The following TRIM14 variants were observed in gnomAD, a reference collection of about 807,000 sequenced individuals.
TRIM14 encodes the protein tripartite motif-containing protein 14.
Under a neutral mutation model 44.5 loss-of-function variants are expected in TRIM14, and 28 were observed. The ratio of observed to expected loss-of-function variants is 0.63; its 90% CI spans 0.47 to 0.86. The LOEUF is 0.86. Among genes scored for constraint, TRIM14 ranks in the 40% least tolerant of loss-of-function variants. The pLI, the probability that TRIM14 is intolerant of heterozygous loss-of-function variation, is 0.00. For missense variants in TRIM14, 607 were observed against 611.1 expected (o/e 0.99, Z 0.07); for synonymous variants, 299 against 269.2 (o/e 1.11, Z -1.08).
intron 2 of TRIM14, among the ~76,000 whole-genome samples, chr9:98,105,486 G>A (rs1016419772): frequency 6.6e-6 from 1 of 152,246 alleles, no homozygotes; most frequent in Non-Finnish European, 1.5e-5. Flanking sequence ...GGCTGAGGCA[G>A]GAGAATTGCT....
chr9:98,114,708 G>GA (rs1472113316), intron 1 of TRIM14, among the ~76,000 whole-genome samples: 1 of 151,900 alleles, frequency 6.6e-6, no homozygotes, highest in Non-Finnish European at 1.5e-5. Context: ...GAAATTTTTG[G>GA]AAAAAAACCC....
intron 5 of TRIM14, among the ~76,000 whole-genome samples, chr9:98,088,631 C>T (rs1331323118): frequency 1.3e-5 from 2 of 152,222 alleles, no homozygotes; most frequent in African/African-American, 4.8e-5. Context: ...TCATAATATC[C>T]TTTCACAAGA....
chr9:98,096,364 A>G (rs926732785), intron 3 of TRIM14, among the ~76,000 whole-genome samples: 3 of 152,174 alleles, frequency 2.0e-5, no homozygotes, highest in African/African-American at 7.2e-5. Flanking sequence ...AAGCACTAGC[A>G]GGAAGTCCAG....
chr9:98,076,173 C>T (rs915707237), intron 6 of TRIM14: 1 of 152,172 alleles, frequency 6.6e-6, no homozygotes, highest in Non-Finnish European at 1.5e-5. Flanking sequence ...AAAAATGCTC[C>T]ATTTTCCCCC....
At position 98,090,560 on chromosome 9, in the gene TRIM14, CTTTTTTT is replaced by C. The variant is rs56909266; in HGVS notation, c.793+1342_793+1348del. Among the ~76,000 whole-genome samples, 3 of 124,256 alleles carry C rather than the reference CTTTTTTT, an allele frequency of 2.4e-5. No homozygotes were observed. The East Asian group carries it at 6.8e-4, about 28-fold the overall frequency. 81.5% of individuals were successfully genotyped at this position (124,256 alleles called of 152,430 possible). Reference sequence around the variant, plus strand: ...GATCTGCACATTTTTGATTTGTGCACTTTTTTTTTTTTTTTTTTTTTTAAGACGGAGT... The same window carrying C: ...GATCTGCACATTTTTGATTTGTGCACTTTTTTTTTTTTTTTAAGACGGAGT... On this transcript the variant is annotated intron_variant, in intron 5 of 5. Transcript: ENST00000341469.
intron 6 of TRIM14, chr9:98,078,389 A>G (rs371472613): frequency 6.3e-6 from 10 of 1,596,276 alleles, no homozygotes; most frequent in Middle Eastern, 1.8e-4. Context: ...GCCATTTACT[A>G]TGGGGAAGGC....
the TRIM14 span, among the ~76,000 whole-genome samples, chr9:98,051,701 T>C: frequency 6.6e-6 from 1 of 152,156 alleles, no homozygotes; most frequent in Non-Finnish European, 1.5e-5. Flanking sequence ...CAGCCACAGC[T>C]GGAAGGCAAA....
At chr9:98,113,127 A>AG (rs1253515411) in intron 1 of TRIM14, among the ~76,000 whole-genome samples, 1 of 123,700 alleles carries the variant, frequency 8.1e-6, no homozygotes, top group East Asian at 2.8e-4. Flanking sequence ...AAAAAAAAAA[A>AG]AAAAAAAAAA....
At chr9:98,055,282 G>A in the TRIM14 span, among the ~76,000 whole-genome samples, 3 of 152,168 alleles carry the variant, frequency 2.0e-5, no homozygotes, top group Non-Finnish European at 4.4e-5. Context: ...GCCTCCCAAA[G>A]TGCTAGGATT....
chr9:98,114,821 A>G (rs1458895730), intron 1 of TRIM14, among the ~76,000 whole-genome samples: 1 of 152,208 alleles, frequency 6.6e-6, no homozygotes, highest in East Asian at 1.9e-4. Flanking sequence ...GGCATTCATG[A>G]AGACTGCTAA....
chr9:98,079,859 C>G (rs1472478301), downstream of TRIM14, among the ~76,000 whole-genome samples: 1 of 152,244 alleles, frequency 6.6e-6, no homozygotes, highest in Non-Finnish European at 1.5e-5. Context: ...CGCACTCCAT[C>G]ACACACCCTT....
At chr9:98,055,884 C>T in the TRIM14 span, among the ~76,000 whole-genome samples, 11 of 152,052 alleles carry the variant, frequency 7.2e-5, no homozygotes, top group African/African-American at 1.9e-4. Context: ...ATTACAGGCA[C>T]GCACCACCAC....
chr9:98,055,964 T>C, the TRIM14 span, among the ~76,000 whole-genome samples: 2 of 152,070 alleles, frequency 1.3e-5, no homozygotes, highest in East Asian at 3.9e-4. Context: ...GGTCTCGAAC[T>C]CCTGACCTCA....
the TRIM14 span, among the ~76,000 whole-genome samples, chr9:98,055,723 T>G: frequency 1.3e-5 from 2 of 152,068 alleles, no homozygotes; most frequent in Non-Finnish European, 2.9e-5. Context: ...ACTTATCTTA[T>G]TTTTTAAATT....
At chr9:98,117,994 A>G (rs910934460) in intron 1 of TRIM14, among the ~76,000 whole-genome samples, 1 of 152,104 alleles carries the variant, frequency 6.6e-6, no homozygotes, top group Non-Finnish European at 1.5e-5. Context: ...ACTCCACTGG[A>G]TTGTCCCCCA....
Position 98,087,598 on chromosome 9 carries a change from C to T in TRIM14, c.1201G>A (p.Val401Ile), listed in dbSNP as rs990470173. 9 of 1,599,140 alleles carry T rather than the reference C, an allele frequency of 5.6e-6. No homozygotes were observed. The highest frequency in any genetic ancestry group is 7.7e-6 in the Non-Finnish European group (9 of 1,176,206). Residue 401 changes from valine (V) to isoleucine (I), a missense_variant, in exon 6 of 6, where the codon GTC becomes ATC. Physicochemically the swap from Val to Ile is conservative, Grantham distance 29 (BLOSUM62 3). Around this residue, in one of 3 missense-constraint regions of TRIM14, gnomAD observed 356 missense variants for 323.0 expected, o/e 1.10. Transcript: ENST00000341469. ...CCCGTCACGTCGTAGAAGGCGAGGACGCCGGCCTCGTAGTCCAGGAAGACG... is the reference window on the plus strand; with the variant it reads ...CCCGTCACGTCGTAGAAGGCGAGGATGCCGGCCTCGTAGTCCAGGAAGACG... Reference protein sequence around the residue: ...LGVFLDYEAGVLAFYDVTGGM... With the variant: ...LGVFLDYEAGILAFYDVTGGM...
the TRIM14 span, among the ~76,000 whole-genome samples, chr9:98,051,204 C>G: frequency 6.6e-6 from 1 of 152,200 alleles, no homozygotes; most frequent in South Asian, 2.1e-4. Flanking sequence ...ACTATTATGA[C>G]TATCGCGAGG....
At chr9:98,096,983 C>G (rs1826209681) in intron 3 of TRIM14, among the ~76,000 whole-genome samples, 1 of 152,176 alleles carries the variant, frequency 6.6e-6, no homozygotes, top group Non-Finnish European at 1.5e-5. Flanking sequence ...CACTTGAGGT[C>G]AAGAGTTTGA....
chr9:98,043,937 T>A, the TRIM14 span, among the ~76,000 whole-genome samples: 1 of 151,832 alleles, frequency 6.6e-6, no homozygotes, highest in Admixed American at 6.6e-5. Context: ...AGAGGTGCCA[T>A]AACACTAAGA....
Sources: gnomAD v4.1 joint callset for allele counts (sites outside exome capture counted in the v4.1 genomes callset) on GRCh38, gnomAD v4.1.1 for gene constraint, gnomAD v4.1.1 regional missense constraint, MANE v1.5 for transcripts, NCBI Gene and HGNC (gene_info 2026-07-23, HGNC 2026-07-21) for gene names.